SVIL: variants seen among roughly 807,000 people sequenced by gnomAD.
SVIL encodes the protein supervillin.
In SVIL, 101 loss-of-function variants were observed where a neutral mutation model predicts 240.4. The ratio of observed to expected loss-of-function variants is 0.42; its 90% CI spans 0.36 to 0.50. The LOEUF (loss-of-function observed/expected upper bound fraction) is 0.50, where lower values mean the gene tolerates loss of function less well. SVIL is among the 20% of genes least tolerant of loss of function. The pLI, the probability that SVIL is intolerant of heterozygous loss-of-function variation, is 0.01. For synonymous variants in SVIL, 999 were observed against 1,100.0 expected (o/e 0.91, Z 1.82); for missense variants, 2,512 against 2,818.7 (o/e 0.89, Z 2.46).
intron 1 of SVIL, among the ~76,000 whole-genome samples, chr10:29,616,959 G>A (rs1024079622): frequency 3.3e-5 from 5 of 152,138 alleles, no homozygotes; most frequent in African/African-American, 9.7e-5. Flanking sequence ...CCAACCTCAG[G>A]TGAACCACCC....
At chr10:29,561,573 G>A (rs1320477933) in intron 3 of SVIL, among the ~76,000 whole-genome samples, 1 of 151,254 alleles carries the variant, frequency 6.6e-6, no homozygotes, top group East Asian at 1.9e-4. Context: ...CTTTAGTTTG[G>A]CTCAGAGGAA....
At chr10:29,512,013 C>T (rs1022517139) in intron 17 of SVIL, among the ~76,000 whole-genome samples, 2 of 152,140 alleles carry the variant, frequency 1.3e-5, no homozygotes, top group Admixed American at 6.5e-5. Context: ...AGTGTGTCAC[C>T]GGTGCATCAT....
At chr10:29,667,352 G>A (rs1322927654) in intron 2 of SVIL, among the ~76,000 whole-genome samples, 2 of 152,138 alleles carry the variant, frequency 1.3e-5, no homozygotes, top group Non-Finnish European at 2.9e-5. Flanking sequence ...CTTAAGAGAA[G>A]CCAGACTCAA....
chr10:29,513,524 A>C (rs1434751905), intron 16 of SVIL, among the ~76,000 whole-genome samples: 1 of 152,180 alleles, frequency 6.6e-6, no homozygotes. Flanking sequence ...TGACACAGTG[A>C]GACTCTGTCT....
chr10:29,584,822 G>A (rs367904315), intron 1 of SVIL, among the ~76,000 whole-genome samples: 67 of 152,310 alleles, frequency 4.4e-4, no homozygotes, highest in South Asian at 1.0e-3. Flanking sequence ...AGCCCAAGTG[G>A]AAAAAGAAAA....
At chr10:29,671,910 C>T (rs1000362091) in intron 2 of SVIL, among the ~76,000 whole-genome samples, 1 of 152,120 alleles carries the variant, frequency 6.6e-6, no homozygotes, top group Non-Finnish European at 1.5e-5. Context: ...ATGTAAAATG[C>T]TAGAAAATTG....
intron 29 of SVIL, among the ~76,000 whole-genome samples, chr10:29,476,383 T>C (rs1056572289): frequency 1.3e-5 from 2 of 152,220 alleles, no homozygotes; most frequent in Admixed American, 6.5e-5. Context: ...CTTGAGTGTA[T>C]ATACACAAAA....
At position 29,499,244 on chromosome 10, in the gene SVIL, T is replaced by C. The variant is rs2132433003; in HGVS notation, c.3536A>G (p.Glu1179Gly). The change falls in exon 18 of 38, where the codon GAG becomes GGG. Residue 1179 changes from glutamate (E) to glycine (G), a missense_variant. Transcript: ENST00000355867. ...LIKKRVTESR[E>G]SQMTIEERKQ... is the part of the protein sequence containing the mutation. The stretch of plus-strand genomic sequence containing the variant: ...CCTCTCCTCAATCGTCATTTGGCTC[T>C]CTCGACTTTCTGTGACCCGCTGTTC... 3.1e-6 allele frequency: 5 copies of C among 1,614,222 alleles called. No homozygotes were observed. Among genetic ancestry groups the C allele is most frequent in the Non-Finnish European group, 4.2e-6 (5 of 1,180,042 alleles).
Position 29,687,351 on chromosome 10 carries a change from C to A in SVIL, c.-399-700G>T, listed in dbSNP as rs114180176. ...TTTTCTCTTCAAACATTCACCTTAC[C>A]GTATGCAAAATGTAGATTTACTGGG... is the stretch of plus-strand genomic sequence containing the variant. On this transcript the variant is annotated intron_variant, in intron 1 of 35. Transcript: ENST00000375400. Among the ~76,000 whole-genome samples, 490 of 152,230 alleles carry A rather than the reference C, an allele frequency of 3.2e-3. 4 individuals are homozygous for A. The highest frequency in any genetic ancestry group is 0.011 in the African/African-American group (462 of 41,542).
chr10:29,708,145 C>A (rs1390595037), intron 1 of SVIL, among the ~76,000 whole-genome samples: 1 of 150,388 alleles, frequency 6.6e-6, no homozygotes, highest in Non-Finnish European at 1.5e-5. Context: ...GTAGTCCCAG[C>A]TACTCGGGAG....
At chr10:29,721,613 A>T (rs1326651708) in intron 1 of SVIL, among the ~76,000 whole-genome samples, 1 of 152,170 alleles carries the variant, frequency 6.6e-6, no homozygotes, top group Non-Finnish European at 1.5e-5. Context: ...TGGTCTAAAG[A>T]AGGTCATTTC....
chr10:29,485,966 C>T (rs1947350343), intron 26 of SVIL, 119 bp downstream of exon 26: 1 of 1,155,688 alleles, frequency 8.7e-7, no homozygotes. Context: ...AAATGTTCTA[C>T]AATGGATACC....
chr10:29,542,146 G>A lies in SVIL; in HGVS notation c.828-6077C>T, dbSNP rs138139394. ...ACACAATTTGCATTTGGGTGCGAGT[G>A]TCTCATAGTTGTGTGCTGATAAACA... On this transcript the variant is annotated intron_variant, in intron 6 of 37. Coordinates refer to ENST00000355867, the MANE Select transcript of SVIL (RefSeq NM_021738.3). 1.3e-4 allele frequency among the ~76,000 whole-genome samples: 20 copies of A among 152,328 alleles called. No individual in the cohort carries two copies. The East Asian group carries it at 3.7e-3, about 28-fold the overall frequency.
chr10:29,571,067 C>T (rs34414647), intron 1 of SVIL, among the ~76,000 whole-genome samples: 9,274 of 152,330 alleles, frequency 0.061, 355 homozygotes, highest in Admixed American at 0.12. Context: ...GCCTGCTCTA[C>T]AGCTAATTCT....
intron 2 of SVIL, among the ~76,000 whole-genome samples, chr10:29,676,480 A>T (rs1564754224): frequency 6.6e-6 from 1 of 152,240 alleles, no homozygotes; most frequent in Non-Finnish European, 1.5e-5. Flanking sequence ...GCTTACCCCC[A>T]ATGCAGAGAG....
intron 3 of SVIL, among the ~76,000 whole-genome samples, chr10:29,560,925 G>A (rs1259506294): frequency 2.0e-5 from 3 of 150,142 alleles, no homozygotes; most frequent in African/African-American, 7.4e-5. Context: ...GGCAACCTCC[G>A]CCTCCCGGGT....
intron 3 of SVIL, among the ~76,000 whole-genome samples, chr10:29,657,471 G>T (rs1959040493): frequency 6.6e-6 from 1 of 152,198 alleles, no homozygotes; most frequent in Non-Finnish European, 1.5e-5. Flanking sequence ...GGTCCCCACT[G>T]TATTAGTGGT....
In SVIL at chr10:29,523,673, G is replaced by A. The variant is rs7070678; in HGVS notation, c.2941C>T (p.Arg981Ter). The change falls in exon 15 of 38, where the codon CGA becomes TGA. Residue 981 changes from arginine to a stop codon, truncating the protein, a stop_gained. Transcript: ENST00000355867. LOFTEE classifies it high-confidence loss of function. ...EAEASYPILNRAREGDSHKES... is the reference protein window; with the variant it reads ...EAEASYPILN Reference sequence around the variant, plus strand: ...TTATGGCTGTCTCCTTCCCTGGCTCGGTTCAGGATGGGGTAGGATGCTTCT... The same window carrying A: ...TTATGGCTGTCTCCTTCCCTGGCTCAGTTCAGGATGGGGTAGGATGCTTCT... 1.9e-6 allele frequency: 3 copies of A among 1,613,714 alleles called. No individual in the cohort carries two copies. The highest frequency in any genetic ancestry group is 2.2e-5 in the East Asian group (1 of 44,864).
At chr10:29,556,827 G>A (rs998773849) in intron 3 of SVIL, among the ~76,000 whole-genome samples, 5 of 152,072 alleles carry the variant, frequency 3.3e-5, no homozygotes, top group Non-Finnish European at 5.9e-5. Flanking sequence ...TTTAATGGCT[G>A]GTAGGACATA....
Sources: gnomAD v4.1 joint callset for allele counts (sites outside exome capture counted in the v4.1 genomes callset) on GRCh38, gnomAD v4.1.1 for gene constraint, MANE v1.5 for transcripts, NCBI Gene and HGNC (gene_info 2026-07-23, HGNC 2026-07-21) for gene names.